Variants in NR1I3 observed in about 807,000 individuals in gnomAD.
The protein encoded by NR1I3 is nuclear receptor subfamily 1 group I member 3, also known as constitutive activator of retinoid response.
A neutral mutation model predicts 38.4 loss-of-function variants in NR1I3; 30 were observed. That is an observed-to-expected ratio of 0.78 (90% CI 0.58 to 1.06). The LOEUF (loss-of-function observed/expected upper bound fraction) is 1.06, where lower values mean the gene tolerates loss of function less well. Ranked by LOEUF, NR1I3 falls within the 50% of genes least tolerant of loss-of-function variation. The pLI is 0.00. For missense variants in NR1I3, 388 were observed against 435.7 expected (o/e 0.89, Z 0.97); for synonymous variants, 143 against 165.1 (o/e 0.87, Z 1.03).
intron 2 of NR1I3, 142 bp from the exon 3 acceptor site, chr1:161,236,119 T>A: frequency 1.1e-6 from 1 of 896,718 alleles, no homozygotes; most frequent in African/African-American, 1.7e-5. Context: ...GTGGATAGTA[T>A]CCAACACATC....
intron 3 of NR1I3, among the ~76,000 whole-genome samples, chr1:161,234,685 T>C (rs1204689210): frequency 3.3e-5 from 5 of 152,130 alleles, no homozygotes; most frequent in Non-Finnish European, 5.9e-5. Context: ...GGATTAGAGG[T>C]GTGAGCCACC....
chr1:161,233,085 C>T, intron 4 of NR1I3, 84 bp downstream of exon 4: 1 of 1,580,094 alleles, frequency 6.3e-7, no homozygotes, highest in Non-Finnish European at 8.6e-7. Context: ...AGTATCAGTG[C>T]ATGGCATACA....
At chr1:161,238,014 G>A in intron 1 of NR1I3, 27 bp downstream of exon 1, 3 of 1,596,124 alleles carry the variant, frequency 1.9e-6, no homozygotes, top group South Asian at 1.1e-5. Context: ...ATTACATTTA[G>A]TCTTTGGTCC....
rs1210139779 is a variant in NR1I3 at position 161,235,947 on chromosome 1, G to C, written c.138C>G (p.Thr46=). The C allele has an allele frequency of 6.2e-7, 1 of 1,608,476 alleles. No homozygotes were observed. The highest frequency in any genetic ancestry group is 1.7e-5 in the Admixed American group (1 of 58,832). Residue 46 remains threonine, a synonymous_variant, in exon 3 of 9, where the codon ACC becomes ACG. Transcript: ENST00000367983. ...CTTCACAGCTTCCAGCAAAGGGGCA[G>C]GTGGGACCAATGCTTTTGCTGACTG... is the stretch of plus-strand genomic sequence containing the variant. ...RRTVSKSIGP[T]CPFAGSCEVS... is the part of the protein sequence containing the mutation.
At position 161,236,368 on chromosome 1, in the gene NR1I3, T is replaced by C. The variant is rs1668602194; in HGVS notation, c.107+91A>G. The C allele has an allele frequency of 4.7e-6, 7 of 1,487,104 alleles. No homozygotes were observed. The South Asian group carries it at 8.7e-5, about 18-fold the overall frequency. 92.1% of individuals were successfully genotyped at this position (1,487,104 alleles called of 1,614,324 possible). On this transcript the variant is annotated intron_variant, in intron 2 of 8. Transcript: ENST00000367983. ...CTCTAAGATAAAGGAGTAATGTAGC[T>C]GGACAGGCTTGGGCACCAGCGAGGG...
intron 5 of NR1I3, among the ~76,000 whole-genome samples, chr1:161,232,591 C>T (rs745919697): frequency 4.6e-5 from 7 of 152,208 alleles, no homozygotes; most frequent in South Asian, 4.1e-4. Flanking sequence ...AGCCACTGCG[C>T]GGCACCTCAA....
chr1:161,230,176 A>AT, intron 8 of NR1I3: 1 of 485,708 alleles, frequency 2.1e-6, no homozygotes. Context: ...CCGAGTGTGA[A>AT]GAAAGCTCCA....
chr1:161,235,151 G>GAAAGA (rs1175278598), intron 3 of NR1I3: 3 of 150,148 alleles, frequency 2.0e-5, no homozygotes, highest in Admixed American at 6.7e-5. Context: ...AAAAAAAATA[G>GAAAGA]AAAGAAAAGA....
chr1:161,233,019 G>A, intron 4 of NR1I3, 73 bp from the exon 5 acceptor site: 2 of 1,596,406 alleles, frequency 1.3e-6, no homozygotes, highest in South Asian at 2.2e-5. Context: ...GCCTTATCTT[G>A]GAAGAGTTCC....
Position 161,236,544 on chromosome 1 carries a change from G to C in NR1I3, c.22C>G (p.Leu8Val). MASREDE[L>V]RNCVVCGDQA... ...TCCCCACATACCACACAGTTCCTCAGCTCATCTTCCCTACTGGCCATGACG... is the reference window on the plus strand; with the variant it reads ...TCCCCACATACCACACAGTTCCTCACCTCATCTTCCCTACTGGCCATGACG... The change falls in exon 2 of 9, where the codon CTG becomes GTG. Residue 8 changes from leucine (L) to valine (V), a missense_variant. Leu to Val is a conservative substitution (Grantham distance 32). Transcript: ENST00000367983. The C allele has an allele frequency of 1.9e-6, 3 of 1,614,098 alleles. No homozygotes were observed. Among genetic ancestry groups the C allele is most frequent in the Non-Finnish European group, 2.5e-6 (3 of 1,180,026 alleles).
intron 5 of NR1I3, among the ~76,000 whole-genome samples, chr1:161,231,831 T>A (rs1257381667): frequency 6.6e-6 from 1 of 151,814 alleles, no homozygotes; most frequent in African/African-American, 2.4e-5. Context: ...TGTTTATATG[T>A]TTTTATTTTT....
intron 4 of NR1I3, 51 bp from the exon 5 acceptor site, chr1:161,232,997 T>C (rs1667697836): frequency 1.9e-6 from 3 of 1,607,096 alleles, no homozygotes; most frequent in African/African-American, 2.7e-5. Context: ...GGCCCTCCTT[T>C]AGGCCTCGCC....
In NR1I3 at chr1:161,231,411, G is replaced by A. The variant is rs1346654441; in HGVS notation, c.612C>T (p.Ile204=). Residue 204 remains isoleucine, a synonymous_variant, in exon 6 of 9, where the codon ATC becomes ATT. Transcript: ENST00000367983. ...LKGAAVEICH[I]VLNTTFCLQT... Reference sequence around the variant, plus strand: ...GGAGACAGAAAGTGGTATTGAGTACGATGTGACAGATTTCCACAGCTGCTC... The same window carrying A: ...GGAGACAGAAAGTGGTATTGAGTACAATGTGACAGATTTCCACAGCTGCTC... The A allele has an allele frequency of 6.4e-6, 10 of 1,570,436 alleles. No individual in the cohort carries two copies. Among genetic ancestry groups the A allele is most frequent in the African/African-American group, 1.4e-5 (1 of 72,334 alleles).
intron 8 of NR1I3, chr1:161,230,593 A>G: frequency 1.6e-6 from 1 of 640,816 alleles, no homozygotes; most frequent in Non-Finnish European, 2.7e-6. Context: ...TGAATAAAAA[A>G]AAAATCTGGA....
chr1:161,236,543 A>C lies in NR1I3; in HGVS notation c.23T>G (p.Leu8Arg). 3 of 1,614,088 alleles carry C rather than the reference A, an allele frequency of 1.9e-6. No homozygotes were observed. The highest frequency in any genetic ancestry group is 2.5e-6 in the Non-Finnish European group (3 of 1,180,014). The stretch of plus-strand genomic sequence containing the variant: ...GTCCCCACATACCACACAGTTCCTC[A>C]GCTCATCTTCCCTACTGGCCATGAC... The part of the protein sequence containing the change: MASREDE[L>R]RNCVVCGDQA... The change falls in exon 2 of 9, where the codon CTG (leucine) becomes CGG (arginine). Residue 8 changes from leucine to arginine, a missense_variant. Physicochemically the swap from Leu to Arg is moderately radical, Grantham distance 102. Transcript: ENST00000367983.
chr1:161,235,160 G>A (rs1166207637), intron 3 of NR1I3: 2 of 146,260 alleles, frequency 1.4e-5, no homozygotes, highest in Non-Finnish European at 3.0e-5. Context: ...AGAAAGAAAA[G>A]AAAAGACAAG....
intron 4 of NR1I3, 61 bp from the exon 5 acceptor site, chr1:161,233,007 C>CA: frequency 1.2e-6 from 2 of 1,602,214 alleles, no homozygotes; most frequent in South Asian, 2.2e-5. Flanking sequence ...TAGGCCTCGC[C>CA]AGCCTTATCT....
intron 2 of NR1I3, chr1:161,236,210 G>A (rs986345903): frequency 9.7e-5 from 62 of 640,384 alleles, no homozygotes; most frequent in Non-Finnish European, 1.5e-4. Context: ...ACAGGCAGTG[G>A]GTACATAATA....
At chr1:161,236,303 G>A in intron 2 of NR1I3, 156 bp downstream of exon 2, 3 of 861,796 alleles carry the variant, frequency 3.5e-6, no homozygotes, top group South Asian at 3.5e-5. Flanking sequence ...ACAGTGATGT[G>A]TTTGGCAAGA....
Sources: gnomAD v4.1 joint callset for allele counts (sites outside exome capture counted in the v4.1 genomes callset) on GRCh38, gnomAD v4.1.1 for gene constraint, MANE v1.5 for transcripts, NCBI Gene and HGNC (gene_info 2026-07-23, HGNC 2026-07-21) for gene names.